The following CTNNA2 variants were observed in gnomAD, a reference collection of about 807,000 sequenced individuals.
CTNNA2 encodes the protein catenin alpha 2, also known as catenin alpha-2.
Under a neutral mutation model 101.0 loss-of-function variants are expected in CTNNA2, and 42 were observed. The ratio of observed to expected loss-of-function variants is 0.42; its 90% CI spans 0.32 to 0.54. The LOEUF (loss-of-function observed/expected upper bound fraction) is 0.54. CTNNA2 is among the 20% of genes least tolerant of loss of function. The probability of loss-of-function intolerance (pLI) is 0.14; values close to 1 mark genes in which losing one functional copy is unlikely to be tolerated. For missense variants in CTNNA2, 871 were observed against 1,223.1 expected (o/e 0.71, Z 4.29); for synonymous variants, 450 against 456.4 (o/e 0.99, Z 0.18).
chr2:80,190,561 C>A (rs1329889821), intron 7 of CTNNA2, among the ~76,000 whole-genome samples: 1 of 152,072 alleles, frequency 6.6e-6, no homozygotes, highest in African/African-American at 2.4e-5. Flanking sequence ...CAGGGTTGGC[C>A]ACTCCCAGAA....
chr2:79,617,257 G>C (rs1466002965), intron 1 of CTNNA2, among the ~76,000 whole-genome samples: 1 of 152,070 alleles, frequency 6.6e-6, no homozygotes, highest in Non-Finnish European at 1.5e-5. Flanking sequence ...CTGCCTAGGA[G>C]TGAAAATATT....
At chr2:79,295,329 T>G (rs1675952902) in intron 2 of CTNNA2, among the ~76,000 whole-genome samples, 1 of 152,064 alleles carries the variant, frequency 6.6e-6, no homozygotes, top group Non-Finnish European at 1.5e-5. Flanking sequence ...ACACCCTGAA[T>G]TGGGAGAATC....
intron 2 of CTNNA2, among the ~76,000 whole-genome samples, chr2:79,248,732 C>T (rs1034714939): frequency 2.0e-5 from 3 of 152,182 alleles, no homozygotes; most frequent in African/African-American, 7.2e-5. Context: ...CCCCATCAAC[C>T]CTGGCAATGA....
chr2:80,094,278 C>T (rs1328284274), intron 7 of CTNNA2, among the ~76,000 whole-genome samples: 1 of 151,950 alleles, frequency 6.6e-6, no homozygotes, highest in African/African-American at 2.4e-5. Context: ...TTCCCCATTG[C>T]TTGTTTTTCT....
At chr2:80,460,288 GC>G (rs137872196) in intron 9 of CTNNA2, among the ~76,000 whole-genome samples, 4,307 of 152,042 alleles carry the variant, frequency 0.028, 191 homozygotes, top group African/African-American at 0.098. Context: ...CAGTCATTTA[GC>G]TAGCAGACAT....
intron 7 of CTNNA2, among the ~76,000 whole-genome samples, chr2:79,930,329 AAAGAAAGAAAG>A (rs1376611870): frequency 1.4e-5 from 2 of 145,790 alleles, no homozygotes; most frequent in Non-Finnish European, 3.0e-5. Context: ...AGAAAGAAAG[AAAGAAAGAAAG>A]AAAGAAAGAA....
intron 3 of CTNNA2, among the ~76,000 whole-genome samples, chr2:79,359,814 GGTAAGT>G (rs1377768312): frequency 6.6e-6 from 1 of 151,966 alleles, no homozygotes; most frequent in East Asian, 1.9e-4. Flanking sequence ...ATACTACTTA[GGTAAGT>G]GTGATAGGGG....
intron 1 of CTNNA2, among the ~76,000 whole-genome samples, chr2:79,600,698 A>G (rs993512500): frequency 6.6e-6 from 1 of 152,228 alleles, no homozygotes; most frequent in African/African-American, 2.4e-5. Flanking sequence ...CCTATGACAG[A>G]ATACCATAGA....
chr2:79,961,749 G>C (rs1056374659), intron 7 of CTNNA2, among the ~76,000 whole-genome samples: 1 of 151,790 alleles, frequency 6.6e-6, no homozygotes, highest in African/African-American at 2.4e-5. Flanking sequence ...GTGAACCCGG[G>C]GGGCAGAGCC....
chr2:79,528,712 G>A (rs935007147), intron 1 of CTNNA2, among the ~76,000 whole-genome samples: 2 of 152,056 alleles, frequency 1.3e-5, no homozygotes, highest in Non-Finnish European at 2.9e-5. Context: ...TCACATTGTA[G>A]AGTACAATTG....
At chr2:80,378,608 A>G (rs961129831) in intron 7 of CTNNA2, 3 of 152,168 alleles carry the variant, frequency 2.0e-5, no homozygotes, top group Non-Finnish European at 4.4e-5. Flanking sequence ...ATAGTTTCCT[A>G]TAATCAGTGT....
chr2:79,647,249 T>G (rs1680884802), intron 1 of CTNNA2, among the ~76,000 whole-genome samples: 2 of 152,190 alleles, frequency 1.3e-5, no homozygotes, highest in Non-Finnish European at 2.9e-5. Context: ...GATCTCTATT[T>G]TAATGAGTGT....
intron 1 of CTNNA2, among the ~76,000 whole-genome samples, chr2:79,628,477 T>C (rs900060039): frequency 5.3e-5 from 8 of 152,050 alleles, no homozygotes; most frequent in African/African-American, 1.4e-4. Flanking sequence ...TTGAATTTGC[T>C]TCAATATCCG....
At chr2:79,914,565 A>G (rs1312573861) in intron 7 of CTNNA2, among the ~76,000 whole-genome samples, 14 of 152,166 alleles carry the variant, frequency 9.2e-5, no homozygotes, top group Admixed American at 9.2e-4. Context: ...TTTTATATGC[A>G]TAAACTCTCT....
chr2:80,043,573 G>A (rs922905462), intron 7 of CTNNA2, among the ~76,000 whole-genome samples: 2 of 152,138 alleles, frequency 1.3e-5, no homozygotes, highest in South Asian at 4.1e-4. Flanking sequence ...CTTGCGGGTT[G>A]AATGCAGAGC....
intron 15 of CTNNA2, among the ~76,000 whole-genome samples, chr2:80,591,515 C>T (rs1696510280): frequency 7.4e-6 from 1 of 135,640 alleles, no homozygotes; most frequent in Non-Finnish European, 1.5e-5. Flanking sequence ...TCTTTGTGGC[C>T]TCTCACCTAA....
intron 9 of CTNNA2, among the ~76,000 whole-genome samples, chr2:80,484,508 A>G (rs207461974): frequency 6.6e-6 from 1 of 152,352 alleles, no homozygotes; most frequent in South Asian, 2.1e-4. Flanking sequence ...CCTCTGATGC[A>G]TATGGAACAG....
At chr2:80,227,164 A>G (rs1205292854) in intron 7 of CTNNA2, among the ~76,000 whole-genome samples, 1 of 152,156 alleles carries the variant, frequency 6.6e-6, no homozygotes, top group East Asian at 1.9e-4. Flanking sequence ...CTTATTGCTT[A>G]GTGGATATAA....
At chr2:80,127,505 G>C (rs186477148) in intron 7 of CTNNA2, among the ~76,000 whole-genome samples, 1 of 152,156 alleles carries the variant, frequency 6.6e-6, no homozygotes. Context: ...GTATGGCCAG[G>C]TGTGCATGTA....
Sources: gnomAD v4.1 joint callset for allele counts (sites outside exome capture counted in the v4.1 genomes callset) on GRCh38, gnomAD v4.1.1 for gene constraint, MANE v1.5 for transcripts, NCBI Gene and HGNC (gene_info 2026-07-23, HGNC 2026-07-21) for gene names.